ERC2: variants seen among roughly 807,000 people sequenced by gnomAD.
The protein encoded by ERC2 is ERC protein 2.
In ERC2, 42 loss-of-function variants were observed where a neutral mutation model predicts 114.8. The observed-to-expected ratio is 0.37, with a 90% CI of 0.29 to 0.47. ERC2 has a LOEUF of 0.47. Ranked by LOEUF, ERC2 falls within the 20% of genes least tolerant of loss-of-function variation. The probability of loss-of-function intolerance (pLI) is 0.99; values close to 1 mark genes in which losing one functional copy is unlikely to be tolerated. For synonymous variants in ERC2, 454 were observed against 425.5 expected (o/e 1.07, Z -0.82); for missense variants, 939 against 1,150.7 (o/e 0.82, Z 2.66).
At chr3:56,329,407 A>G (rs571841990) in intron 2 of ERC2, among the ~76,000 whole-genome samples, 3 of 152,308 alleles carry the variant, frequency 2.0e-5, no homozygotes, top group Middle Eastern at 3.4e-3. Flanking sequence ...CAGGAGCCCT[A>G]TCAGGTTCTC....
intron 14 of ERC2, among the ~76,000 whole-genome samples, chr3:55,735,159 A>G (rs1575430308): frequency 6.6e-6 from 1 of 152,276 alleles, no homozygotes; most frequent in Admixed American, 6.5e-5. Flanking sequence ...CATGTTATAA[A>G]TGGGAAGGGA....
intron 6 of ERC2, among the ~76,000 whole-genome samples, chr3:56,124,223 A>T (rs1451591677): frequency 6.6e-6 from 1 of 152,188 alleles, no homozygotes; most frequent in East Asian, 1.9e-4. Context: ...TAGTGACTTC[A>T]TTCTACTGAT....
chr3:56,032,523 TG>T (rs2074431594), intron 7 of ERC2, among the ~76,000 whole-genome samples: 1 of 152,020 alleles, frequency 6.6e-6, no homozygotes, highest in African/African-American at 2.4e-5. Context: ...GAGAGGGAAA[TG>T]AGTATTCAGA....
intron 6 of ERC2, among the ~76,000 whole-genome samples, chr3:56,113,385 T>C (rs1292928012): frequency 6.6e-6 from 1 of 152,214 alleles, no homozygotes; most frequent in Admixed American, 6.5e-5. Flanking sequence ...CAGTCCCTGC[T>C]GACCATAAAG....
chr3:55,556,291 A>G (rs970357113), intron 17 of ERC2, among the ~76,000 whole-genome samples: 3 of 152,084 alleles, frequency 2.0e-5, no homozygotes, highest in African/African-American at 4.8e-5. Context: ...CACTCTAACA[A>G]TGTCAACAGC....
intron 14 of ERC2, among the ~76,000 whole-genome samples, chr3:55,751,468 C>T (rs193171695): frequency 6.6e-6 from 1 of 152,166 alleles, no homozygotes; most frequent in East Asian, 1.9e-4. Flanking sequence ...ACATACTCTG[C>T]CTCTCTTTCG....
chr3:55,654,746 C>T (rs920732989), intron 17 of ERC2, among the ~76,000 whole-genome samples: 7 of 152,350 alleles, frequency 4.6e-5, no homozygotes, highest in African/African-American at 1.2e-4. Context: ...TGGAAGCCTC[C>T]TCTGACAGGA....
At chr3:55,574,753 A>G (rs2056889254) in intron 17 of ERC2, among the ~76,000 whole-genome samples, 2 of 152,222 alleles carry the variant, frequency 1.3e-5, no homozygotes, top group South Asian at 4.1e-4. Flanking sequence ...CGAGTTGATC[A>G]CTGAGGCTGT....
In ERC2 at chr3:56,085,381, G is replaced by C. The variant is rs985967070; in HGVS notation, c.1474-4397C>G. On this transcript the variant is annotated intron_variant, in intron 6 of 17. Transcript: ENST00000288221. The stretch of plus-strand genomic sequence containing the variant: ...CCCCCAAGCCCTAATGGCCCTGACT[G>C]CATTACAAGAGAGAGTGGACATTCT... Among the ~76,000 whole-genome samples the C allele has an allele frequency of 2.6e-5, 4 of 152,194 alleles. No individual in the cohort carries two copies. In the East Asian group the frequency reaches 5.8e-4, roughly 22 times the overall value.
chr3:56,224,152 C>T (rs1467504714), intron 3 of ERC2, among the ~76,000 whole-genome samples: 1 of 152,186 alleles, frequency 6.6e-6, no homozygotes, highest in Non-Finnish European at 1.5e-5. Flanking sequence ...GTGGAAAAGT[C>T]AGCCCTCTCA....
intron 10 of ERC2, among the ~76,000 whole-genome samples, chr3:56,004,856 C>A (rs2072351969): frequency 6.6e-6 from 1 of 151,898 alleles, no homozygotes; most frequent in African/African-American, 2.4e-5. Context: ...AAAAGAGGCC[C>A]AGACACACTT....
chr3:56,430,203 ATC>A (rs2061734889), intron 2 of ERC2, among the ~76,000 whole-genome samples: 1 of 152,186 alleles, frequency 6.6e-6, no homozygotes, highest in Non-Finnish European at 1.5e-5. Flanking sequence ...GATAGATGCA[ATC>A]TCTGATTATT....
chr3:56,153,038 AAGATTGAAATAAGTTTATTTCTT>A (rs1203695950), intron 4 of ERC2, among the ~76,000 whole-genome samples: 2 of 152,190 alleles, frequency 1.3e-5, no homozygotes, highest in Non-Finnish European at 2.9e-5. Context: ...GTGGGATGGG[AAGATTGAAATAAGTTTATTTCTT>A]CCTTTTCTCT....
intron 2 of ERC2, among the ~76,000 whole-genome samples, chr3:56,365,206 C>T (rs2059104400): frequency 6.6e-6 from 1 of 152,216 alleles, no homozygotes; most frequent in Non-Finnish European, 1.5e-5. Context: ...ACATTTTAAT[C>T]AGTGACTGTA....
At position 56,296,404 on chromosome 3, in the gene ERC2, T is replaced by C. The variant is rs1441461269; in HGVS notation, c.689A>G (p.Asp230Gly). The change falls in exon 3 of 18, where the codon GAT becomes GGT. Residue 230 changes from aspartate to glycine, a missense_variant. Physicochemically the swap from Asp to Gly is moderately conservative, Grantham distance 94. Transcript: ENST00000288221. ...GAGGTCTCTCTGGGTTCGCAGCTCA[T>C]CTTGAAGGGCCTGGATTGTCAACTG... ...HLQLTIQALQ[D>G]ELRTQRDLNH... 1.2e-6 allele frequency: 2 copies of C among 1,613,800 alleles called. No homozygotes were observed. The highest frequency in any genetic ancestry group is 1.7e-6 in the Non-Finnish European group (2 of 1,179,782).
In ERC2 at chr3:55,566,672, G is replaced by A. The variant is rs192234946; in HGVS notation, c.*40-55396C>T. Among the ~76,000 whole-genome samples the A allele has an allele frequency of 1.8e-3, 276 of 152,140 alleles. 1 individual carries two copies. The highest frequency in any genetic ancestry group is 6.0e-3 in the African/African-American group (247 of 41,510). ...ATTCCTGACCTCAAGTGATCCACTC[G>A]CCTCAGCCTCCCAAAGTGCTGGGAT... On this transcript the variant is annotated intron_variant, in intron 17 of 17. Coordinates refer to ENST00000288221, the MANE Select transcript of ERC2 (RefSeq NM_015576.3).
At chr3:56,206,726 A>G (rs907440996) in intron 3 of ERC2, among the ~76,000 whole-genome samples, 3 of 152,220 alleles carry the variant, frequency 2.0e-5, no homozygotes, top group African/African-American at 4.8e-5. Flanking sequence ...TGAGGTCCCA[A>G]CTTTTCACTG....
intron 16 of ERC2, among the ~76,000 whole-genome samples, chr3:55,692,860 A>AGT (rs1330211004): frequency 6.6e-6 from 1 of 152,244 alleles, no homozygotes; most frequent in Non-Finnish European, 1.5e-5. Context: ...CTTAAAATAC[A>AGT]ATCTGTGTAT....
chr3:56,076,127 T>C (rs1430543165), intron 7 of ERC2, among the ~76,000 whole-genome samples: 1 of 152,118 alleles, frequency 6.6e-6, no homozygotes, highest in Non-Finnish European at 1.5e-5. Flanking sequence ...ATCCACAAAG[T>C]TCAGTAGGCA....
Sources: gnomAD v4.1 joint callset for allele counts (sites outside exome capture counted in the v4.1 genomes callset) on GRCh38, gnomAD v4.1.1 for gene constraint, MANE v1.5 for transcripts, NCBI Gene and HGNC (gene_info 2026-07-23, HGNC 2026-07-21) for gene names.